Variants in FDCSP observed in about 807,000 individuals in gnomAD.
The protein encoded by FDCSP is follicular dendritic cell secreted peptide.
Under a neutral mutation model 8.9 loss-of-function variants are expected in FDCSP, and 8 were observed. That is an observed-to-expected ratio of 0.90 (90% CI 0.53 to 1.63). The LOEUF (loss-of-function observed/expected upper bound fraction) is 1.63. Among genes scored for constraint, FDCSP ranks in the 40% most tolerant of loss-of-function variants. The pLI is 0.00. For missense variants in FDCSP, 101 were observed against 103.6 expected, an observed-to-expected ratio of 0.98 and a Z score of 0.11; for synonymous variants, 34 against 34.5, an observed-to-expected ratio of 0.98 and a Z score of 0.06.
chr4:70,231,326 C>T (rs966353017), intron 2 of FDCSP, 75 bp downstream of exon 2: 2 of 1,203,404 alleles, frequency 1.7e-6, no homozygotes, highest in East Asian at 5.0e-5. Context: ...CCAGGAACCA[C>T]ATACACAAGG....
chr4:70,231,385 C>A, intron 2 of FDCSP, 134 bp downstream of exon 2: 2 of 584,058 alleles, frequency 3.4e-6, no homozygotes, highest in Non-Finnish European at 5.7e-6. Flanking sequence ...TGGCTTACGC[C>A]TGTATTCCCT....
rs544753244 is a variant in FDCSP, at chr4:70,231,491, T to A, written c.57+240T>A. On this transcript the variant is annotated intron_variant, in intron 2 of 4. Transcript: ENST00000317987. ...AATCCCCTCTCTATAAAAAAAAATA[T>A]ATATATAATGAACCTAATGACATTG... 7.3e-3 allele frequency among the ~76,000 whole-genome samples: 1,111 copies of A among 151,502 alleles called. 13 individuals are homozygous for A. Among genetic ancestry groups the A allele is most frequent in the African/African-American group, 0.025 (1,047 of 41,380 alleles).
intron 1 of FDCSP, among the ~76,000 whole-genome samples, chr4:70,228,756 C>T (rs541060790): frequency 2.8e-4 from 42 of 151,698 alleles, no homozygotes; most frequent in African/African-American, 8.4e-4. Flanking sequence ...TTCTTGGGGG[C>T]TCAGGTACAT....
At chr4:70,233,893 T>C (rs1173821879) in intron 3 of FDCSP, 127 bp from the exon 4 acceptor site, 1 of 807,532 alleles carries the variant, frequency 1.2e-6, no homozygotes, top group Non-Finnish European at 2.0e-6. Flanking sequence ...ACAGAAAGGA[T>C]AAAGGATTTT....
intron 1 of FDCSP, among the ~76,000 whole-genome samples, chr4:70,229,383 C>T (rs1000474341): frequency 2.0e-5 from 3 of 151,798 alleles, no homozygotes; most frequent in South Asian, 2.1e-4. Context: ...AAGACTCTTT[C>T]GCTTTCTTGT....
chr4:70,228,118 C>T (rs1730019829), intron 1 of FDCSP, among the ~76,000 whole-genome samples: 1 of 151,732 alleles, frequency 6.6e-6, no homozygotes, highest in Non-Finnish European at 1.5e-5. Context: ...AAGCATTTTG[C>T]CCACAGTATT....
intron 1 of FDCSP, among the ~76,000 whole-genome samples, chr4:70,227,282 C>T (rs952087003): frequency 2.6e-5 from 4 of 151,694 alleles, no homozygotes; most frequent in African/African-American, 9.7e-5. Context: ...CATTAACAAT[C>T]TGCCTGTAGA....
chr4:70,227,028 T>G (rs940912732), intron 1 of FDCSP, among the ~76,000 whole-genome samples: 3 of 151,936 alleles, frequency 2.0e-5, no homozygotes, highest in African/African-American at 7.2e-5. Context: ...CAAAATATTT[T>G]GCAATTTCTA....
chr4:70,233,904 A>T, intron 3 of FDCSP, 116 bp from the exon 4 acceptor site: 2 of 896,038 alleles, frequency 2.2e-6, no homozygotes, highest in South Asian at 1.9e-5. Context: ...AAAGGATTTT[A>T]GAGCTTCTAA....
Position 70,234,001 on chromosome 4 carries a change from A to C in FDCSP, c.91-19A>C. 1 of 1,580,398 alleles carries C rather than the reference A, an allele frequency of 6.3e-7. No individual in the cohort carries two copies. The highest frequency in any genetic ancestry group is 8.6e-7 in the Non-Finnish European group (1 of 1,165,894). On this transcript the variant is annotated intron_variant, in intron 3 of 4. Transcript: ENST00000317987. ...TTGTAAAAAGTGAAATAAACCCTTTAACTTCTTTCTTTCAACAGATCAGTG... is the reference window on the plus strand; with the variant it reads ...TTGTAAAAAGTGAAATAAACCCTTTCACTTCTTTCTTTCAACAGATCAGTG...
chr4:70,228,587 A>G (rs1730026046), intron 1 of FDCSP, among the ~76,000 whole-genome samples: 1 of 151,846 alleles, frequency 6.6e-6, no homozygotes, highest in African/African-American at 2.4e-5. Context: ...GATCCATCAA[A>G]TAAATCACTA....
At chr4:70,234,362 C>T (rs1445186326) in intron 4 of FDCSP, 147 bp downstream of exon 4, 1 of 623,698 alleles carries the variant, frequency 1.6e-6, no homozygotes, top group Non-Finnish European at 2.7e-6. Context: ...TAGATACTGT[C>T]ACGTGTGTCC....
intron 1 of FDCSP, among the ~76,000 whole-genome samples, chr4:70,228,950 G>A: frequency 6.6e-6 from 1 of 151,730 alleles, no homozygotes; most frequent in Non-Finnish European, 1.5e-5. Context: ...TGATAAATGA[G>A]CATTGGCTTC....
At chr4:70,231,479 TA>T (rs1013161511) in intron 2 of FDCSP, among the ~76,000 whole-genome samples, 7 of 150,152 alleles carry the variant, frequency 4.7e-5, no homozygotes, top group African/African-American at 7.3e-5. Flanking sequence ...CCCCTCTCTA[TA>T]AAAAAAAATA....
At chr4:70,230,702 C>T (rs1419908533) in intron 1 of FDCSP, among the ~76,000 whole-genome samples, 4 of 151,622 alleles carry the variant, frequency 2.6e-5, no homozygotes, top group Admixed American at 2.0e-4. Flanking sequence ...AATCTGTCAC[C>T]TACATTACTT....
intron 1 of FDCSP, among the ~76,000 whole-genome samples, chr4:70,228,798 A>T (rs1346582331): frequency 6.6e-6 from 1 of 151,698 alleles, no homozygotes; most frequent in African/African-American, 2.4e-5. Context: ...TGAAAAAAAC[A>T]TTTTTTCCTA....
chr4:70,234,271 T>C, intron 4 of FDCSP, 56 bp downstream of exon 4: 1 of 1,394,876 alleles, frequency 7.2e-7, no homozygotes, highest in Non-Finnish European at 9.7e-7. Flanking sequence ...TTGGAATCCA[T>C]AATTTCAAGG....
intron 2 of FDCSP, among the ~76,000 whole-genome samples, chr4:70,232,232 A>C (rs1730096810): frequency 6.6e-6 from 1 of 151,622 alleles, no homozygotes; most frequent in African/African-American, 2.4e-5. Context: ...ACTCACACAG[A>C]GCAACTTCCA....
At chr4:70,228,751 G>GA (rs376745761) in intron 1 of FDCSP, among the ~76,000 whole-genome samples, 42 of 151,842 alleles carry the variant, frequency 2.8e-4, no homozygotes, top group African/African-American at 8.4e-4. Flanking sequence ...CAGAGTTCTT[G>GA]GGGGCTCAGG....
Sources: gnomAD v4.1 joint callset for allele counts (sites outside exome capture counted in the v4.1 genomes callset) on GRCh38, gnomAD v4.1.1 for gene constraint, MANE v1.5 for transcripts, NCBI Gene and HGNC (gene_info 2026-07-23, HGNC 2026-07-21) for gene names.